The following PDPR variants were observed in gnomAD, a reference collection of about 807,000 sequenced individuals.
PDPR encodes the protein pyruvate dehydrogenase phosphatase regulatory subunit, also known as pyruvate dehydrogenase phosphatase regulatory subunit, mitochondrial.
In PDPR, 50 loss-of-function variants were observed where a neutral mutation model predicts 102.2. The observed-to-expected ratio is 0.49, with a 90% CI of 0.39 to 0.62. The LOEUF is 0.62. PDPR is among the 20% of genes least tolerant of loss of function. PDPR has a pLI of 0.00. For synonymous variants in PDPR, 259 were observed against 406.0 expected (o/e 0.64, Z 4.35); for missense variants, 625 against 1,098.2 (o/e 0.57, Z 6.09).
intron 2 of PDPR, among the ~76,000 whole-genome samples, chr16:70,115,286 G>T (rs1962524916): frequency 6.6e-6 from 1 of 151,988 alleles, no homozygotes; most frequent in African/African-American, 2.4e-5. Context: ...ACCACGCCCG[G>T]CTAATTTTTG....
In PDPR at chr16:70,156,859, A is replaced by C; in HGVS notation, c.2620A>C (p.Ser874Arg). 6.2e-7 allele frequency: 1 copy of C among 1,613,806 alleles called. No individual in the cohort carries two copies. Among genetic ancestry groups the C allele is most frequent in the Non-Finnish European group, 8.5e-7 (1 of 1,179,794 alleles). The change falls in exon 19 of 19, where the codon AGT becomes CGT. Residue 874 changes from serine to arginine, a missense_variant. By Grantham distance (110) the Ser-to-Arg change is moderately radical. Around this residue, in one of 11 missense-constraint regions of PDPR, gnomAD observed 303 missense variants for 258.9 expected, o/e 1.17. Transcript: ENST00000288050. ...GCGCCGAAAGGATGACATGGAGCTG[A>C]GTGACTTACATGGGAAGTGATGCCA... The part of the protein sequence containing the change: ...QKRRKDDMEL[S>R]DLHGK
At chr16:70,152,705 A>G (rs1263103631) in intron 17 of PDPR, among the ~76,000 whole-genome samples, 3 of 152,406 alleles carry the variant, frequency 2.0e-5, no homozygotes, top group African/African-American at 7.2e-5. Flanking sequence ...CAAACAGTGT[A>G]GTCTCATTTT....
intron 15 of PDPR, among the ~76,000 whole-genome samples, chr16:70,145,120 G>C (rs1966120151): frequency 6.6e-6 from 1 of 152,188 alleles, no homozygotes; most frequent in South Asian, 2.1e-4. Context: ...GGACATGGTG[G>C]TGCATGCCTG....
chr16:70,141,006 C>G (rs1474301551), intron 11 of PDPR, among the ~76,000 whole-genome samples: 3 of 152,204 alleles, frequency 2.0e-5, no homozygotes, highest in African/African-American at 7.2e-5. Context: ...AGATCACACT[C>G]TTCTGGCTTT....
In PDPR at chr16:70,154,997, G is replaced by C. The variant is rs897891066; in HGVS notation, c.2235+1424G>C. Among the ~76,000 whole-genome samples the C allele has an allele frequency of 6.6e-5, 10 of 152,262 alleles. No individual in the cohort carries two copies. In the East Asian group the frequency reaches 2.0e-3, roughly 30 times the overall value. ...ACCTGAGTTCACAAGTTCGAGACCA[G>C]CCCGGCCAACATGGTGAAACCCCGT... On this transcript the variant is annotated intron_variant, in intron 18 of 18. Coordinates refer to ENST00000288050, the MANE Select transcript of PDPR (RefSeq NM_017990.5).
Position 70,156,558 on chromosome 16 carries a change from C to T in PDPR, c.2319C>T (p.Asp773=), listed in dbSNP as rs758787627. ...VYKRLTMFIL[D]DHDSDLDLWP... is the part of the protein sequence containing the mutation. ...AACGCCTCACCATGTTCATCCTGGA[C>T]GACCATGATTCAGACCTAGACCTTT... Residue 773 remains aspartate, a synonymous_variant, in exon 19 of 19, where the codon GAC becomes GAT. Transcript: ENST00000288050. The T allele has an allele frequency of 2.5e-5, 40 of 1,613,854 alleles. No homozygotes were observed. The highest frequency in any genetic ancestry group is 1.6e-4 in the Middle Eastern group (1 of 6,082).
In PDPR at chr16:70,153,573, G is replaced by A. The variant is rs1203130163; in HGVS notation, c.2235G>A (p.Lys745=). ...GAGAGTCTCGGGTGAAATTAGAGAAGGTACTGTGTTTACCCAGACTCCACT... is the reference window on the plus strand; with the variant it reads ...GAGAGTCTCGGGTGAAATTAGAGAAAGTACTGTGTTTACCCAGACTCCACT... ...CGRESRVKLE[K]GMDFIGRDAL... Residue 745 remains lysine, a splice_region_variant and synonymous_variant, in exon 18 of 19, where the codon AAG becomes AAA. Transcript: ENST00000288050. 6.3e-7 allele frequency: 1 copy of A among 1,598,806 alleles called. No individual in the cohort carries two copies. The highest frequency in any genetic ancestry group is 8.5e-7 in the Non-Finnish European group (1 of 1,173,290).
chr16:70,155,843 C>G (rs1029346594), intron 18 of PDPR, among the ~76,000 whole-genome samples: 1 of 140,656 alleles, frequency 7.1e-6, no homozygotes, highest in African/African-American at 2.8e-5. Flanking sequence ...GCTGTGTCAA[C>G]CGAGGCTGGA....
At chr16:70,126,628 G>T (rs1244393847) in intron 3 of PDPR, among the ~76,000 whole-genome samples, 1 of 152,268 alleles carries the variant, frequency 6.6e-6, no homozygotes, top group Non-Finnish European at 1.5e-5. Flanking sequence ...CTCCCAAAGT[G>T]CTGGGATTAC....
intron 3 of PDPR, among the ~76,000 whole-genome samples, chr16:70,124,920 T>A (rs1963764972): frequency 6.6e-6 from 1 of 152,296 alleles, no homozygotes; most frequent in Non-Finnish European, 1.5e-5. Context: ...ACCCCCCACC[T>A]GCTTTCTTGA....
intron 18 of PDPR, among the ~76,000 whole-genome samples, chr16:70,154,827 C>CA (rs1555530265): frequency 2.0e-5 from 3 of 152,218 alleles, no homozygotes; most frequent in Admixed American, 6.5e-5. Flanking sequence ...TTGGTAAAGA[C>CA]AGAGTTTCAC....
chr16:70,131,188 G>C (rs950328700), intron 7 of PDPR, 114 bp from the exon 8 acceptor site: 2 of 698,306 alleles, frequency 2.9e-6, no homozygotes, highest in African/African-American at 1.8e-5. Context: ...TCCCACACCT[G>C]ACACTGTAGC....
intron 3 of PDPR, among the ~76,000 whole-genome samples, chr16:70,124,552 A>G (rs1311981650): frequency 1.3e-5 from 2 of 152,278 alleles, no homozygotes; most frequent in Admixed American, 6.5e-5. Flanking sequence ...TCTCCCCAGA[A>G]CAAACCAGAA....
At chr16:70,145,418 G>A (rs184156417) in intron 15 of PDPR, among the ~76,000 whole-genome samples, 1 of 152,362 alleles carries the variant, frequency 6.6e-6, no homozygotes, top group East Asian at 1.9e-4. Context: ...TTACAGGCAT[G>A]AGCCACCACG....
At position 70,160,639 on chromosome 16, in the gene PDPR, C is replaced by T. The variant is rs1197847175; in HGVS notation, c.*3760C>T. ...CTTGGATCATCTCCTCATGCACACCCGGAGTTTTACCTGCTTGCTTGCTTT... is the reference window on the plus strand; with the variant it reads ...CTTGGATCATCTCCTCATGCACACCTGGAGTTTTACCTGCTTGCTTGCTTT... On this transcript the variant is annotated 3_prime_UTR_variant, in exon 19 of 19. Coordinates refer to ENST00000288050, the MANE Select transcript of PDPR (RefSeq NM_017990.5). 5.9e-5 allele frequency: 9 copies of T among 152,756 alleles called. No individual in the cohort carries two copies. The highest frequency in any genetic ancestry group is 9.6e-5 in the African/African-American group (4 of 41,480). 9.5% of individuals were successfully genotyped at this position (152,756 alleles called of 1,614,324 possible).
At chr16:70,145,550 C>G (rs1299948856) in intron 15 of PDPR, among the ~76,000 whole-genome samples, 1 of 152,246 alleles carries the variant, frequency 6.6e-6, no homozygotes, top group Non-Finnish European at 1.5e-5. Flanking sequence ...CTTGGCCCCA[C>G]CAGCGTTTGC....
At chr16:70,163,137 G>A (rs572420888), downstream of PDPR, among the ~76,000 whole-genome samples, 4 of 151,464 alleles carry the variant, frequency 2.6e-5, no homozygotes, top group South Asian at 2.1e-4. Flanking sequence ...TCGTAGAGAC[G>A]GGGTTTCGCC....
chr16:70,124,651 C>T (rs565450157), intron 3 of PDPR, among the ~76,000 whole-genome samples: 1 of 152,260 alleles, frequency 6.6e-6, no homozygotes, highest in Non-Finnish European at 1.5e-5. Flanking sequence ...ACTGTCAAAG[C>T]TGCTCAAGGA....
At chr16:70,132,031 A>G (rs1186564590) in intron 8 of PDPR, 120 bp from the exon 9 acceptor site, 2 of 1,571,390 alleles carry the variant, frequency 1.3e-6, no homozygotes, top group African/African-American at 1.4e-5. Context: ...ATGTTCTTTC[A>G]TTAATAAAGC....
Sources: gnomAD v4.1 joint callset for allele counts (sites outside exome capture counted in the v4.1 genomes callset) on GRCh38, gnomAD v4.1.1 for gene constraint, gnomAD v4.1.1 regional missense constraint, MANE v1.5 for transcripts, NCBI Gene and HGNC (gene_info 2026-07-23, HGNC 2026-07-21) for gene names.